Variants in FHIP2B observed in about 807,000 individuals in gnomAD.
FHIP2B encodes the protein FHF complex subunit HOOK interacting protein 2B.
In FHIP2B, 72 loss-of-function variants were observed where a neutral mutation model predicts 84.0. The ratio of observed to expected loss-of-function variants is 0.86; its 90% CI spans 0.71 to 1.04. The LOEUF is 1.04. Among genes scored for constraint, FHIP2B ranks in the 50% least tolerant of loss-of-function variants. The pLI, the probability that FHIP2B is intolerant of heterozygous loss-of-function variation, is 0.00. For synonymous variants in FHIP2B, 497 were observed against 418.7 expected, an observed-to-expected ratio of 1.19 and a Z score of -2.28; for missense variants, 972 against 968.9, an observed-to-expected ratio of 1.00 and a Z score of -0.04.
intron 8 of FHIP2B, 71 bp downstream of exon 8, chr8:22,099,127 G>A: frequency 6.7e-7 from 1 of 1,503,372 alleles, no homozygotes; most frequent in Non-Finnish European, 9.1e-7. Context: ...AGGACCAAGT[G>A]GAGCAGGGAC....
At chr8:22,101,405 C>T (rs377277014) in intron 12 of FHIP2B, 35 bp from the exon 13 acceptor site, 84 of 1,531,980 alleles carry the variant, frequency 5.5e-5, no homozygotes, top group Non-Finnish European at 6.9e-5. Context: ...GCAGGGTGAG[C>T]CGGGAGCGCC....
At chr8:22,095,398 G>A (rs1227938748) in intron 2 of FHIP2B, 1 of 152,274 alleles carries the variant, frequency 6.6e-6, no homozygotes, top group Non-Finnish European at 1.5e-5. Context: ...CCCACTAGGT[G>A]CCAGTAGCAC....
Position 22,091,606 on chromosome 8 carries a change from T to C in FHIP2B, c.45+2308T>C, listed in dbSNP as rs1305317910. Among the ~76,000 whole-genome samples the C allele has an allele frequency of 2.0e-5, 3 of 152,210 alleles. No homozygotes were observed. In the East Asian group the frequency reaches 5.8e-4, roughly 29 times the overall value. ...TAGTGCCTTTGGTTTGGAGTTATCA[T>C]AGCTGGTGGTGGAGTTAGGTAAAGA... On this transcript the variant is annotated intron_variant, in intron 1 of 16. Coordinates refer to ENST00000289921, the MANE Select transcript of FHIP2B (RefSeq NM_022749.7).
chr8:22,098,142 G>A lies in FHIP2B; in HGVS notation c.600G>A (p.Gly200=), dbSNP rs764558215. 3 of 1,580,950 alleles carry A rather than the reference G, an allele frequency of 1.9e-6. No individual in the cohort carries two copies. The African/African-American group carries it at 4.1e-5, about 21-fold the overall frequency. ...TGCCTAAGGACACAACCAGCCACGG[G>A]GACAAGGACTGCTCCCACGATGGTG... is the stretch of plus-strand genomic sequence containing the variant. ...TALPKDTTSH[G]DKDCSHDGAP... Residue 200 remains glycine (G), a synonymous_variant, in exon 6 of 17, where the codon GGG becomes GGA. Transcript: ENST00000289921.
In FHIP2B at chr8:22,103,766, T is replaced by C. The variant is rs1380404935; in HGVS notation, c.*835T>C. On this transcript the variant is annotated 3_prime_UTR_variant, in exon 17 of 17. Coordinates refer to ENST00000289921, the MANE Select transcript of FHIP2B (RefSeq NM_022749.7). ...CCCAGTGTTCTTGATAGAAGACCCT[T>C]CTGGGGAGCCAGGGAGCTCAGGGGA... The C allele has an allele frequency of 2.6e-5, 4 of 152,478 alleles. No individual in the cohort carries two copies. The highest frequency in any genetic ancestry group is 1.9e-4 in the East Asian group (1 of 5,160). 9.4% of individuals were successfully genotyped at this position (152,478 alleles called of 1,614,324 possible).
In FHIP2B at chr8:22,098,581, C is replaced by G; in HGVS notation, c.927C>G (p.Asp309Glu). ...ACCGGTCCATGCCTGTCTTCCTGGA[C>G]CCCGCAGACATTGCCACCTTAGAGG... Reference protein sequence around the residue: ...QLYRSMPVFLDPADIATLEGI... With the variant: ...QLYRSMPVFLEPADIATLEGI... Residue 309 changes from aspartate (D) to glutamate (E), a missense_variant, in exon 7 of 17, where the codon GAC becomes GAG. By Grantham distance (45) the Asp-to-Glu change is conservative. Transcript: ENST00000289921. 6.2e-7 allele frequency: 1 copy of G among 1,604,992 alleles called. No homozygotes were observed. Among genetic ancestry groups the G allele is most frequent in the Non-Finnish European group, 8.5e-7 (1 of 1,175,966 alleles).
At chr8:22,099,481 T>G (rs928157703) in intron 9 of FHIP2B, 121 bp downstream of exon 9, 6 of 1,180,548 alleles carry the variant, frequency 5.1e-6, no homozygotes, top group Non-Finnish European at 7.1e-6. Context: ...GTGGACCCCA[T>G]TGGGTGATGT....
chr8:22,094,562 G>C, intron 2 of FHIP2B, 44 bp downstream of exon 2: 1 of 1,607,238 alleles, frequency 6.2e-7, no homozygotes. Flanking sequence ...GGAGGGAGCG[G>C]GGAGGAAGGA....
chr8:22,091,404 C>T (rs765156737), intron 1 of FHIP2B, among the ~76,000 whole-genome samples: 12 of 151,874 alleles, frequency 7.9e-5, no homozygotes, highest in African/African-American at 2.9e-4. Flanking sequence ...CCACCACGCC[C>T]AGCTAATATT....
chr8:22,102,367 C>G, intron 15 of FHIP2B, 52 bp downstream of exon 15: 1 of 1,589,700 alleles, frequency 6.3e-7, no homozygotes, highest in Admixed American at 1.7e-5. Flanking sequence ...GAGGGGACAT[C>G]AGGGAAAGGG....
chr8:22,091,891 A>C (rs916574776), intron 1 of FHIP2B, among the ~76,000 whole-genome samples: 2 of 152,206 alleles, frequency 1.3e-5, no homozygotes, highest in African/African-American at 4.8e-5. Context: ...ATATCTGGTA[A>C]ATATTCATGG....
chr8:22,089,940 C>G, intron 1 of FHIP2B: 1 of 912,326 alleles, frequency 1.1e-6, no homozygotes, highest in Non-Finnish European at 1.5e-6. Flanking sequence ...GGCTGTGACC[C>G]CTCACAAGCC....
At chr8:22,089,678 C>T in intron 1 of FHIP2B, 1 of 960,674 alleles carries the variant, frequency 1.0e-6, no homozygotes, top group Admixed American at 2.4e-5. Context: ...CCCGGTGGGC[C>T]TGCCTCCTTC....
intron 1 of FHIP2B, among the ~76,000 whole-genome samples, chr8:22,093,298 A>G (rs1163708724): frequency 6.8e-6 from 1 of 147,086 alleles, no homozygotes; most frequent in Non-Finnish European, 1.5e-5. Context: ...TTTACTCTGC[A>G]AGAAAAGCGA....
rs999483423 is a variant in FHIP2B, at chr8:22,089,270, G to A, written c.17G>A (p.Gly6Glu). 27 of 1,050,420 alleles carry A rather than the reference G, an allele frequency of 2.6e-5. No individual in the cohort carries two copies. In the South Asian group the frequency reaches 4.4e-4, roughly 17 times the overall value. The allele number at this position is 1,050,420 out of a possible 1,614,324, so 65.1% of individuals were successfully genotyped here. A position where few individuals can be genotyped will look rare whatever the true frequency, so the allele number is the denominator to read the frequency against. MLSRL[G>E]ALLQEAVGAR... ...GGCGCCATCATGCTGAGCCGGCTCG[G>A]GGCGCTGCTGCAGGAAGCCGTGGGG... Residue 6 changes from glycine (G) to glutamate (E), a missense_variant, in exon 1 of 17, where the codon GGG (glycine) becomes GAG (glutamate). Gly to Glu is a moderately conservative substitution (Grantham distance 98). Transcript: ENST00000289921.
In FHIP2B at chr8:22,102,920, G is replaced by A. The variant is rs758815433; in HGVS notation, c.2221G>A (p.Gly741Arg). 5.0e-6 allele frequency: 8 copies of A among 1,613,424 alleles called. 1 individual carries two copies. Among genetic ancestry groups the A allele is most frequent in the South Asian group, 2.2e-5 (2 of 91,078 alleles). ...PRQNVSPAPE[G>R]QV ...CCAGAACGTCTCCCCAGCCCCGGAA[G>A]GGCAGGTCTGAGCCAGCACCAGGGC... The change falls in exon 17 of 17, where the codon GGG (glycine) becomes AGG (arginine). Residue 741 changes from glycine to arginine, a missense_variant. Gly to Arg is a moderately radical substitution (Grantham distance 125, BLOSUM62 -2). Transcript: ENST00000289921.
At chr8:22,099,922 C>T (rs773141739) in intron 10 of FHIP2B, 29 bp downstream of exon 10, 39 of 1,562,124 alleles carry the variant, frequency 2.5e-5, no homozygotes, top group Middle Eastern at 3.4e-4. Flanking sequence ...ATCTCTGTTC[C>T]TCTCACCACC....
intron 3 of FHIP2B, 71 bp downstream of exon 3, chr8:22,096,580 G>A (rs111739913): frequency 7.0e-7 from 1 of 1,430,470 alleles, no homozygotes; most frequent in African/African-American, 1.4e-5. Context: ...GGCCGAGGTG[G>A]GAGGCCTCTG....
intron 1 of FHIP2B, among the ~76,000 whole-genome samples, chr8:22,090,154 G>T (rs1268411987): frequency 1.3e-4 from 3 of 23,874 alleles, no homozygotes; most frequent in East Asian, 2.9e-3. Flanking sequence ...CCGGTAGGGT[G>T]GGGGGGGTGC....
Sources: allele counts gnomAD v4.1 joint callset (sites outside exome capture counted in the v4.1 genomes callset), GRCh38; gene constraint gnomAD v4.1.1; transcripts MANE v1.5; gene names NCBI Gene and HGNC (gene_info 2026-07-23, HGNC 2026-07-21).